The following ALPK2 variants were observed in gnomAD, a reference collection of about 807,000 sequenced individuals.
ALPK2 encodes the protein alpha-protein kinase 2.
A neutral mutation model predicts 163.1 loss-of-function variants in ALPK2; 127 were observed. The observed-to-expected ratio is 0.78, with a 90% confidence interval of 0.67 to 0.90. The LOEUF (loss-of-function observed/expected upper bound fraction) is 0.90, where lower values mean the gene tolerates loss of function less well. ALPK2 is among the 40% of genes least tolerant of loss of function. The pLI is 0.00. For missense variants in ALPK2, 2,360 were observed against 2,589.6 expected (o/e 0.91, Z 1.92); for synonymous variants, 953 against 959.1 (o/e 0.99, Z 0.12).
At chr18:58,492,133 C>T (rs1224419677) in intron 12 of ALPK2, among the ~76,000 whole-genome samples, 1 of 146,834 alleles carries the variant, frequency 6.8e-6, no homozygotes, top group African/African-American at 2.5e-5. Context: ...TTCAAACAGG[C>T]AAGGTCTCTT....
chr18:58,609,654 T>C (rs1287345049), intron 2 of ALPK2, among the ~76,000 whole-genome samples: 1 of 152,180 alleles, frequency 6.6e-6, no homozygotes, highest in Non-Finnish European at 1.5e-5. Flanking sequence ...AAATGAGACT[T>C]GCATAGGGAA....
intron 10 of ALPK2, among the ~76,000 whole-genome samples, chr18:58,514,351 A>G (rs991154213): frequency 1.3e-5 from 2 of 152,226 alleles, no homozygotes; most frequent in East Asian, 3.8e-4. Context: ...AAGTTCCAAC[A>G]TGCACTAGCT....
chr18:58,594,724 G>C (rs1381555274), intron 3 of ALPK2, among the ~76,000 whole-genome samples: 1 of 152,174 alleles, frequency 6.6e-6, no homozygotes, highest in African/African-American at 2.4e-5. Flanking sequence ...ATTGCTCAGT[G>C]CAAAAATCCT....
intron 4 of ALPK2, among the ~76,000 whole-genome samples, chr18:58,550,383 C>A (rs112389753): frequency 7.1e-6 from 1 of 140,604 alleles, no homozygotes; most frequent in African/African-American, 2.6e-5. Flanking sequence ...CAACCCCATC[C>A]CCATCTCCAT....
At position 58,611,684 on chromosome 18, in the gene ALPK2, G is replaced by A. The variant is rs1351232778; in HGVS notation, c.109+5C>T. On this transcript the variant is annotated splice_donor_5th_base_variant and intron_variant, in intron 2 of 12. Transcript: ENST00000361673. ...AGGGTGATTAGCTAGTCTAGTGATG[G>A]TTACCAGATATTATGCAGCGAAGCA... 1 of 1,610,410 alleles carries A rather than the reference G, an allele frequency of 6.2e-7. No homozygotes were observed. Among genetic ancestry groups the A allele is most frequent in the Non-Finnish European group, 8.5e-7 (1 of 1,177,704 alleles).
intron 3 of ALPK2, among the ~76,000 whole-genome samples, chr18:58,589,675 G>A (rs2052005466): frequency 6.6e-6 from 1 of 152,184 alleles, no homozygotes; most frequent in Admixed American, 6.5e-5. Flanking sequence ...CCTACCCTAA[G>A]GGTCACATGC....
intron 3 of ALPK2, among the ~76,000 whole-genome samples, chr18:58,591,006 G>A (rs968069958): frequency 2.0e-5 from 3 of 152,186 alleles, no homozygotes; most frequent in Non-Finnish European, 4.4e-5. Flanking sequence ...GGGCTGGGAA[G>A]GGAAGAAGGA....
intron 3 of ALPK2, among the ~76,000 whole-genome samples, chr18:58,582,981 A>C (rs1170112488): frequency 1.3e-5 from 2 of 152,188 alleles, no homozygotes; most frequent in Admixed American, 1.3e-4. Flanking sequence ...CAGGCTTCAG[A>C]GGGAATAAAT....
rs193136958 is a variant in ALPK2 at position 58,628,243 on chromosome 18, C to T, written c.-21+521G>A. On this transcript the variant is annotated intron_variant, in intron 1 of 12. Coordinates refer to ENST00000361673, the MANE Select transcript of ALPK2 (RefSeq NM_052947.4). ...ATAGCTTTTCAGCAAATTGCATTAC[C>T]TGTTGTCAGACAATATACTCCTGTG... is the stretch of plus-strand genomic sequence containing the variant. Among the ~76,000 whole-genome samples, 4 of 152,204 alleles carry T rather than the reference C, an allele frequency of 2.6e-5. No individual in the cohort carries two copies. The South Asian group carries it at 8.3e-4, about 32-fold the overall frequency.
chr18:58,579,721 T>C lies in ALPK2; in HGVS notation c.1055A>G (p.Glu352Gly), dbSNP rs2051945801. 1 of 1,614,044 alleles carries C rather than the reference T, an allele frequency of 6.2e-7. No homozygotes were observed. ...AVWQRNLLGT[E>G]HVFLLESDDE... ...ATCGCTTTCTAATAAAAAAACATGCTCAGTCCCCAGCAGGTTCCTTTGCCA... is the reference window on the plus strand; with the variant it reads ...ATCGCTTTCTAATAAAAAAACATGCCCAGTCCCCAGCAGGTTCCTTTGCCA... The change falls in exon 4 of 13, where the codon GAG becomes GGG. Residue 352 changes from glutamate (E) to glycine (G), a missense_variant. Transcript: ENST00000361673.
In ALPK2 at chr18:58,537,263, G is replaced by T. The variant is rs922843359; in HGVS notation, c.2924C>A (p.Pro975Gln). 6.2e-7 allele frequency: 1 copy of T among 1,614,148 alleles called. No individual in the cohort carries two copies. Among genetic ancestry groups the T allele is most frequent in the Non-Finnish European group, 8.5e-7 (1 of 1,179,998 alleles). ...SPSAADTTAT[P>Q]ASYSSIVSFP... ...ACTCACAATTGAACTATAACTGGCTGGTGTGGCTGTGGTGTCTGCGGCACT... is the reference window on the plus strand; with the variant it reads ...ACTCACAATTGAACTATAACTGGCTTGTGTGGCTGTGGTGTCTGCGGCACT... Residue 975 changes from proline to glutamine, a missense_variant, in exon 5 of 13, where the codon CCA becomes CAA. Physicochemically the swap from Pro to Gln is moderately conservative, Grantham distance 76. Coordinates refer to ENST00000361673, the MANE Select transcript of ALPK2 (RefSeq NM_052947.4).
intron 3 of ALPK2, among the ~76,000 whole-genome samples, chr18:58,582,611 C>T (rs2051964536): frequency 6.6e-6 from 1 of 151,292 alleles, no homozygotes; most frequent in Non-Finnish European, 1.5e-5. Context: ...TTACTTTGAG[C>T]CAAATATGAG....
Position 58,537,907 on chromosome 18 carries a change from G to A in ALPK2, c.2280C>T (p.Leu760=), listed in dbSNP as rs139227345. The change falls in exon 5 of 13, where the codon CTC becomes CTT. Residue 760 remains leucine, a synonymous_variant. Coordinates refer to ENST00000361673, the MANE Select transcript of ALPK2 (RefSeq NM_052947.4). ...TMSPGVFSRH[L]PKDARADFRE... ...TGAAGTCAGCACGAGCATCCTTGGG[G>A]AGATGCCTTGAGAACACACCTGGGG... 21 of 1,614,092 alleles carry A rather than the reference G, an allele frequency of 1.3e-5. No homozygotes were observed. The highest frequency in any genetic ancestry group is 2.7e-5 in the African/African-American group (2 of 74,934).
At chr18:58,496,637 G>A (rs529588718) in intron 12 of ALPK2, among the ~76,000 whole-genome samples, 1 of 152,270 alleles carries the variant, frequency 6.6e-6, no homozygotes, top group South Asian at 2.1e-4. Context: ...TGACACTGAT[G>A]GTCTGAAGTA....
intron 4 of ALPK2, among the ~76,000 whole-genome samples, chr18:58,553,425 C>A (rs2051769878): frequency 6.6e-6 from 1 of 152,106 alleles, no homozygotes; most frequent in Non-Finnish European, 1.5e-5. Context: ...TACAAATAGG[C>A]TCAGTGAGGG....
chr18:58,615,320 C>T (rs912488766), intron 1 of ALPK2, among the ~76,000 whole-genome samples: 21 of 151,506 alleles, frequency 1.4e-4, no homozygotes, highest in Admixed American at 1.4e-3. Flanking sequence ...CAGTGGCGGG[C>T]AGGGCAGCTC....
chr18:58,617,071 C>T (rs1204442482), intron 1 of ALPK2, among the ~76,000 whole-genome samples: 1 of 152,192 alleles, frequency 6.6e-6, no homozygotes, highest in Non-Finnish European at 1.5e-5. Flanking sequence ...GGAAGTCTTC[C>T]TCTTCTTCCG....
chr18:58,513,880 A>T (rs2051507641), intron 10 of ALPK2, among the ~76,000 whole-genome samples: 2 of 152,240 alleles, frequency 1.3e-5, no homozygotes, highest in South Asian at 4.1e-4. Flanking sequence ...CTTAAAAAAA[A>T]TAAAACAGAA....
intron 5 of ALPK2, among the ~76,000 whole-genome samples, chr18:58,534,564 G>A (rs2051632857): frequency 6.6e-6 from 1 of 152,174 alleles, no homozygotes; most frequent in Non-Finnish European, 1.5e-5. Flanking sequence ...TTTATCAGTG[G>A]TTCTCAATCG....
Sources: gnomAD v4.1 joint callset for allele counts (sites outside exome capture counted in the v4.1 genomes callset) on GRCh38, gnomAD v4.1.1 for gene constraint, MANE v1.5 for transcripts, NCBI Gene and HGNC (gene_info 2026-07-23, HGNC 2026-07-21) for gene names.